RANBP2: variants seen among roughly 807,000 people sequenced by gnomAD.
RANBP2 encodes E3 SUMO-protein ligase RanBP2.
A neutral mutation model predicts 303.6 loss-of-function variants in RANBP2; 57 were observed. The ratio of observed to expected loss-of-function variants is 0.19; its 90% CI spans 0.15 to 0.23. The LOEUF (loss-of-function observed/expected upper bound fraction) is 0.23. Ranked by LOEUF, RANBP2 falls within the 10% of genes least tolerant of loss-of-function variation. The pLI, the probability that RANBP2 is intolerant of heterozygous loss-of-function variation, is 1.00. For missense variants in RANBP2, 3,138 were observed against 3,780.8 expected, an observed-to-expected ratio of 0.83 and a Z score of 4.46; for synonymous variants, 1,167 against 1,301.5, an observed-to-expected ratio of 0.90 and a Z score of 2.23.
chr2:109,356,790 A>G, the RANBP2 span, among the ~76,000 whole-genome samples: 1 of 151,916 alleles, frequency 6.6e-6, no homozygotes, highest in Non-Finnish European at 1.5e-5. Flanking sequence ...TGCAAATCCC[A>G]CCCTCCTGGG....
chr2:109,021,295 G>A, the RANBP2 span, among the ~76,000 whole-genome samples: 32 of 152,116 alleles, frequency 2.1e-4, no homozygotes, highest in African/African-American at 5.8e-4. Flanking sequence ...AGGCTGAGGC[G>A]GGTGGATCAC....
rs1201175872 is a variant in RANBP2, at chr2:108,753,546, T to C, written c.2038T>C (p.Tyr680His). The C allele has an allele frequency of 3.7e-6, 6 of 1,611,634 alleles. No homozygotes were observed. The Admixed American group carries it at 6.7e-5, about 18-fold the overall frequency. The change falls in exon 14 of 29, where the codon TAT becomes CAT. Residue 680 changes from tyrosine (Y) to histidine (H), a missense_variant. Transcript: ENST00000283195. ...TGAATCTATAAAAAGTGTTGTTTCT[T>C]ATTGGAATCTTGCACTGGTAAGTAG... ...AFESIKSVVS[Y>H]WNLALIFHRK...
the RANBP2 span, among the ~76,000 whole-genome samples, chr2:109,427,851 G>C: frequency 6.6e-6 from 1 of 152,266 alleles, no homozygotes; most frequent in African/African-American, 2.4e-5. Context: ...CCTCAGGGAA[G>C]AGGCGAAGGC....
the RANBP2 span, among the ~76,000 whole-genome samples, chr2:109,657,712 GAGT>G: frequency 0.078 from 10,171 of 129,692 alleles, 601 homozygotes; most frequent in East Asian, 0.21. Flanking sequence ...TGAATTAGCT[GAGT>G]TTTTTTTTTT....
chr2:109,190,474 G>A, the RANBP2 span, among the ~76,000 whole-genome samples: 4 of 152,176 alleles, frequency 2.6e-5, no homozygotes, highest in Non-Finnish European at 2.9e-5. Context: ...GCGCCTGGTC[G>A]ACATCCTATT....
the RANBP2 span, among the ~76,000 whole-genome samples, chr2:109,718,973 G>C: frequency 7.8e-6 from 1 of 127,512 alleles, no homozygotes; most frequent in African/African-American, 2.9e-5. Context: ...TTGTGCCACT[G>C]CATTCCAGCC....
chr2:108,805,899 T>C, the RANBP2 span, among the ~76,000 whole-genome samples: 1 of 152,090 alleles, frequency 6.6e-6, no homozygotes, highest in Non-Finnish European at 1.5e-5. Flanking sequence ...ATATATTAGA[T>C]TGTGTGGGGA....
chr2:108,792,704 AT>A, the RANBP2 span, among the ~76,000 whole-genome samples: 4 of 152,228 alleles, frequency 2.6e-5, no homozygotes, highest in Admixed American at 2.6e-4. Context: ...AAAATGGAGT[AT>A]AATGGAAGAC....
At chr2:109,252,286 T>G in the RANBP2 span, among the ~76,000 whole-genome samples, 1 of 152,138 alleles carries the variant, frequency 6.6e-6, no homozygotes, top group Admixed American at 6.5e-5. Flanking sequence ...CATTATAATT[T>G]AAAAAGATGT....
At chr2:109,123,309 C>CTT in the RANBP2 span, among the ~76,000 whole-genome samples, 1 of 148,954 alleles carries the variant, frequency 6.7e-6, no homozygotes, top group East Asian at 2.0e-4. Flanking sequence ...CTCACTGTGG[C>CTT]TTTTCTTTCT....
the RANBP2 span, among the ~76,000 whole-genome samples, chr2:108,910,031 C>T: frequency 6.6e-6 from 1 of 152,202 alleles, no homozygotes; most frequent in Non-Finnish European, 1.5e-5. Context: ...GGGCAGTAGG[C>T]ACCAAATGCT....
chr2:109,425,732 A>T, the RANBP2 span, among the ~76,000 whole-genome samples: 1 of 151,826 alleles, frequency 6.6e-6, no homozygotes, highest in Non-Finnish European at 1.5e-5. Context: ...ATTACTGCTC[A>T]TTGCCAGTGT....
the RANBP2 span, among the ~76,000 whole-genome samples, chr2:109,534,970 G>GGACTCAC: frequency 6.6e-6 from 1 of 152,092 alleles, no homozygotes; most frequent in East Asian, 1.9e-4. Flanking sequence ...GCAGGACTCT[G>GGACTCAC]GACTCACTCA....
the RANBP2 span, among the ~76,000 whole-genome samples, chr2:109,683,385 T>A: frequency 6.6e-6 from 1 of 152,190 alleles, no homozygotes; most frequent in African/African-American, 2.4e-5. Flanking sequence ...ACGGTGGTGA[T>A]ACATTTGCAT....
the RANBP2 span, among the ~76,000 whole-genome samples, chr2:109,655,534 C>T: frequency 2.0e-5 from 3 of 152,166 alleles, no homozygotes; most frequent in Non-Finnish European, 2.9e-5. Flanking sequence ...ACTGGGGAGA[C>T]TGCGGAGACA....
At chr2:108,947,972 C>CT in the RANBP2 span, among the ~76,000 whole-genome samples, 1 of 152,116 alleles carries the variant, frequency 6.6e-6, no homozygotes, top group Non-Finnish European at 1.5e-5. Flanking sequence ...GCTCTGCTTC[C>CT]TTTTTAAACA....
At chr2:109,388,284 C>T in the RANBP2 span, among the ~76,000 whole-genome samples, 3 of 152,228 alleles carry the variant, frequency 2.0e-5, no homozygotes, top group Non-Finnish European at 4.4e-5. Flanking sequence ...CAATTTTTCA[C>T]TGATGAGTTA....
the RANBP2 span, among the ~76,000 whole-genome samples, chr2:109,456,407 T>A: frequency 6.6e-6 from 1 of 152,194 alleles, no homozygotes; most frequent in Non-Finnish European, 1.5e-5. Flanking sequence ...CATTTTGAAG[T>A]TTTCCAGACA....
At chr2:108,855,678 G>A in the RANBP2 span, among the ~76,000 whole-genome samples, 3 of 152,146 alleles carry the variant, frequency 2.0e-5, no homozygotes, top group Non-Finnish European at 4.4e-5. Context: ...AATTGATCCA[G>A]AGGCACAGAT....
Sources: gnomAD v4.1 joint callset for allele counts (sites outside exome capture counted in the v4.1 genomes callset) on GRCh38, gnomAD v4.1.1 for gene constraint, MANE v1.5 for transcripts, NCBI Gene and HGNC (gene_info 2026-07-23, HGNC 2026-07-21) for gene names.